Variants in PRR5L observed in about 807,000 individuals in gnomAD.
PRR5L encodes proline rich 5 like.
Under a neutral mutation model 36.4 loss-of-function variants are expected in PRR5L, and 21 were observed. The ratio of observed to expected loss-of-function variants is 0.58; its 90% CI spans 0.41 to 0.83. The LOEUF (loss-of-function observed/expected upper bound fraction) is 0.83, where lower values mean the gene tolerates loss of function less well. Ranked by LOEUF, PRR5L falls within the 40% of genes least tolerant of loss-of-function variation. The probability of loss-of-function intolerance (pLI) is 0.00; values close to 1 mark genes in which losing one functional copy is unlikely to be tolerated. For missense variants in PRR5L, 381 were observed against 473.3 expected (o/e 0.80, Z 1.81); for synonymous variants, 188 against 197.0 (o/e 0.95, Z 0.38).
At chr11:36,298,655 G>T (rs1241728572) in intron 1 of PRR5L, among the ~76,000 whole-genome samples, 1 of 152,228 alleles carries the variant, frequency 6.6e-6, no homozygotes, top group African/African-American at 2.4e-5. Flanking sequence ...CCTGCTGTGT[G>T]GCCTGGTTCC....
intron 1 of PRR5L, among the ~76,000 whole-genome samples, chr11:36,309,162 G>A (rs1856468353): frequency 6.6e-6 from 1 of 152,180 alleles, no homozygotes; most frequent in Non-Finnish European, 1.5e-5. Flanking sequence ...GCTCAGGGAG[G>A]GAAAGACTTG....
Position 36,351,678 on chromosome 11 carries a change from T to C in PRR5L, c.-125-49319T>C, listed in dbSNP as rs1337625300. Among the ~76,000 whole-genome samples the C allele has an allele frequency of 6.3e-4, 9 of 14,388 alleles. 1 individual carries two copies. Among genetic ancestry groups the C allele is most frequent in the African/African-American group, 3.2e-3 (9 of 2,840 alleles). 9.4% of individuals were successfully genotyped at this position (14,388 alleles called of 152,430 possible). A position where few individuals can be genotyped will look rare whatever the true frequency, so the allele number is the denominator to read the frequency against. ...ATATAAATATATATTTATATACTTATATATTTATATATTTATATATTTATA... is the reference window on the plus strand; with the variant it reads ...ATATAAATATATATTTATATACTTACATATTTATATATTTATATATTTATA... On this transcript the variant is annotated intron_variant, in intron 1 of 8. Coordinates refer to ENST00000530639, the MANE Select transcript of PRR5L (RefSeq NM_001160167.2).
chr11:36,351,351 TA>T (rs1297414034), intron 1 of PRR5L, among the ~76,000 whole-genome samples: 1,562 of 87,612 alleles, frequency 0.018, 29 homozygotes, highest in East Asian at 0.041. Context: ...TAATATATAA[TA>T]AATATATATA....
At chr11:36,398,091 T>C (rs1424692692) in intron 1 of PRR5L, among the ~76,000 whole-genome samples, 1 of 152,146 alleles carries the variant, frequency 6.6e-6, no homozygotes. Context: ...GTGAGCTTAG[T>C]CTTGAGGATA....
chr11:36,378,466 G>A (rs1169908916), intron 1 of PRR5L, among the ~76,000 whole-genome samples: 1 of 152,178 alleles, frequency 6.6e-6, no homozygotes, highest in East Asian at 1.9e-4. Context: ...TGTTCTTTGA[G>A]TATGTTACTG....
At chr11:36,330,502 T>A (rs1590448036) in intron 1 of PRR5L, among the ~76,000 whole-genome samples, 1 of 152,200 alleles carries the variant, frequency 6.6e-6, no homozygotes, top group East Asian at 1.9e-4. Flanking sequence ...TCTGAGTACT[T>A]GTCATATCCC....
At chr11:36,345,878 T>C (rs1207814838) in intron 1 of PRR5L, among the ~76,000 whole-genome samples, 1 of 152,212 alleles carries the variant, frequency 6.6e-6, no homozygotes, top group East Asian at 1.9e-4. Context: ...TGGAGACATA[T>C]TCTGTTTCCT....
At chr11:36,360,094 CAG>C (rs1415047824) in intron 1 of PRR5L, among the ~76,000 whole-genome samples, 4 of 140,680 alleles carry the variant, frequency 2.8e-5, no homozygotes, top group South Asian at 2.3e-4. Flanking sequence ...CACACACACA[CAG>C]ACACACAAAA....
rs978586055 is a variant in PRR5L, at chr11:36,381,115, G to A, written c.-125-19882G>A. The stretch of plus-strand genomic sequence containing the variant: ...TTTTCTCCCCTCAATTTTGAGGTGC[G>A]AATATGTTTCCCTCACCCACACATC... On this transcript the variant is annotated intron_variant, in intron 1 of 8. Transcript: ENST00000530639. Among the ~76,000 whole-genome samples the A allele has an allele frequency of 3.3e-5, 5 of 152,212 alleles. No homozygotes were observed. The South Asian group carries it at 6.2e-4, about 19-fold the overall frequency.
chr11:36,437,246 G>A, intron 5 of PRR5L, 139 bp from the exon 6 acceptor site: 1 of 755,138 alleles, frequency 1.3e-6, no homozygotes, highest in East Asian at 2.4e-5. Flanking sequence ...TGCTCTCTGG[G>A]CTTTAATAGC....
intron 4 of PRR5L, among the ~76,000 whole-genome samples, chr11:36,423,327 A>G (rs1012712369): frequency 6.6e-6 from 1 of 152,224 alleles, no homozygotes; most frequent in African/African-American, 2.4e-5. Context: ...CCAGGAGGCC[A>G]GTTTCCCCTA....
At chr11:36,443,690 G>A (rs1590597376) in intron 6 of PRR5L, among the ~76,000 whole-genome samples, 1 of 152,210 alleles carries the variant, frequency 6.6e-6, no homozygotes, top group Non-Finnish European at 1.5e-5. Flanking sequence ...ACAATAAAAT[G>A]TGTTGGAATC....
chr11:36,392,899 G>C (rs1181899589), intron 1 of PRR5L, among the ~76,000 whole-genome samples: 1 of 152,192 alleles, frequency 6.6e-6, no homozygotes, highest in Non-Finnish European at 1.5e-5. Flanking sequence ...CATGAGATTT[G>C]GGTGGGGACA....
chr11:36,345,291 G>T (rs1189395870), intron 1 of PRR5L, among the ~76,000 whole-genome samples: 1 of 152,114 alleles, frequency 6.6e-6, no homozygotes, highest in Non-Finnish European at 1.5e-5. Context: ...TGGGAGGAAG[G>T]GAAGTGTTAA....
intron 1 of PRR5L, among the ~76,000 whole-genome samples, chr11:36,317,331 C>T (rs1856567604): frequency 1.3e-5 from 2 of 152,226 alleles, no homozygotes; most frequent in Non-Finnish European, 2.9e-5. Flanking sequence ...AGTTATTCTG[C>T]CTCTCTGAGC....
rs1241691697 is a variant in PRR5L at position 36,344,553 on chromosome 11, T to C, written c.-126+48115T>C. On this transcript the variant is annotated intron_variant, in intron 1 of 8. Transcript: ENST00000530639. The surrounding 1 kb of genome is among the most constrained non-coding windows in gnomAD (Gnocchi z 4.1). ...TGTCAATAACAACAAAACGGCCATC[T>C]CTGAAGGTGATTTTTGTTTATATTT... Among the ~76,000 whole-genome samples, 3 of 152,224 alleles carry C rather than the reference T, an allele frequency of 2.0e-5. No individual in the cohort carries two copies. Among genetic ancestry groups the C allele is most frequent in the African/African-American group, 7.2e-5 (3 of 41,458 alleles).
chr11:36,401,303 A>T lies in PRR5L; in HGVS notation c.164+18A>T. On this transcript the variant is annotated intron_variant, in intron 2 of 8. Coordinates refer to ENST00000530639, the MANE Select transcript of PRR5L (RefSeq NM_001160167.2). Reference sequence around the variant, plus strand: ...TGGAACAGGTGAAGGAGGCTGCAGGATGTGGGGTGGAGGGCTGCCAAGGGC... The same window carrying T: ...TGGAACAGGTGAAGGAGGCTGCAGGTTGTGGGGTGGAGGGCTGCCAAGGGC... 2 of 1,606,794 alleles carry T rather than the reference A, an allele frequency of 1.2e-6. No individual in the cohort carries two copies. Among genetic ancestry groups the T allele is most frequent in the South Asian group, 1.1e-5 (1 of 90,940 alleles).
intron 3 of PRR5L, among the ~76,000 whole-genome samples, chr11:36,407,452 A>G (rs1157518856): frequency 1.3e-5 from 2 of 152,240 alleles, no homozygotes; most frequent in Non-Finnish European, 2.9e-5. Flanking sequence ...TTTGAACTAG[A>G]GAGTCTGGGA....
chr11:36,376,175 C>T (rs1265898516), intron 1 of PRR5L: 2 of 1,304,716 alleles, frequency 1.5e-6, no homozygotes, highest in Non-Finnish European at 1.0e-6. Flanking sequence ...GCAGGGCCCC[C>T]CTCTCCGCTC....
Sources: gnomAD v4.1 joint callset for allele counts (sites outside exome capture counted in the v4.1 genomes callset) on GRCh38, gnomAD v4.1.1 for gene constraint, Gnocchi (gnomAD v3.1) non-coding constraint, MANE v1.5 for transcripts, NCBI Gene and HGNC (gene_info 2026-07-23, HGNC 2026-07-21) for gene names.